TENM4: variants seen among roughly 807,000 people sequenced by gnomAD.
TENM4 encodes the protein teneurin transmembrane protein 4.
A neutral mutation model predicts 243.3 loss-of-function variants in TENM4; 82 were observed. The observed-to-expected ratio is 0.34, with a 90% CI of 0.28 to 0.40. The LOEUF (loss-of-function observed/expected upper bound fraction) is 0.40, where lower values mean the gene tolerates loss of function less well. Among genes scored for constraint, TENM4 ranks in the 10% least tolerant of loss-of-function variants. The pLI, the probability that TENM4 is intolerant of heterozygous loss-of-function variation, is 1.00. For synonymous variants in TENM4, 1,412 were observed against 1,456.3 expected, an observed-to-expected ratio of 0.97 and a Z score of 0.69; for missense variants, 3,138 against 3,673.3, an observed-to-expected ratio of 0.85 and a Z score of 3.77.
Position 78,729,494 on chromosome 11 carries a change from C to T in TENM4, c.3288G>A (p.Ala1096=), listed in dbSNP as rs375392743. The T allele has an allele frequency of 7.4e-5, 119 of 1,613,638 alleles. No homozygotes were observed. The highest frequency in any genetic ancestry group is 3.8e-4 in the East Asian group (17 of 44,840). ...FNLMKVHLMV[A]VEGRLFRKWF... ...ACTTCCTGAAGAGGCGGCCCTCCAC[C>T]GCTACCATGAGGTGCACCTTCATGA... The change falls in exon 22 of 34, where the codon GCG becomes GCA. Residue 1096 remains alanine, a synonymous_variant. Coordinates refer to ENST00000278550, the MANE Select transcript of TENM4 (RefSeq NM_001098816.3).
chr11:78,953,785 G>A (rs1857154696), intron 6 of TENM4, among the ~76,000 whole-genome samples: 1 of 152,150 alleles, frequency 6.6e-6, no homozygotes, highest in South Asian at 2.1e-4. Flanking sequence ...ATCCCTGGAG[G>A]TTGCTGTTGC....
chr11:79,159,801 T>C (rs1400032856), intron 3 of TENM4, among the ~76,000 whole-genome samples: 1 of 152,210 alleles, frequency 6.6e-6, no homozygotes, highest in African/African-American at 2.4e-5. Flanking sequence ...TTCTACTTAA[T>C]ACTGACTCAG....
intron 1 of TENM4, among the ~76,000 whole-genome samples, chr11:79,360,055 C>T (rs1396514109): frequency 5.3e-5 from 8 of 152,184 alleles, no homozygotes; most frequent in Non-Finnish European, 1.0e-4. Flanking sequence ...ACACAAAGAA[C>T]ATCCCTCCTC....
chr11:79,079,481 A>AAAGTCAC (rs1309251546), intron 4 of TENM4, among the ~76,000 whole-genome samples: 1 of 152,214 alleles, frequency 6.6e-6, no homozygotes, highest in Non-Finnish European at 1.5e-5. Context: ...TCCTGCCCCC[A>AAAGTCAC]AAGTCACGTA....
intron 3 of TENM4, among the ~76,000 whole-genome samples, chr11:79,198,430 T>A (rs1008598221): frequency 6.6e-6 from 1 of 152,240 alleles, no homozygotes; most frequent in Non-Finnish European, 1.5e-5. Flanking sequence ...CAGGTGATTC[T>A]AATGAGCAGT....
intron 19 of TENM4, among the ~76,000 whole-genome samples, chr11:78,746,310 C>T (rs1856050453): frequency 6.6e-6 from 1 of 152,192 alleles, no homozygotes. Flanking sequence ...GCAAGATGGC[C>T]CAGCACTTAC....
chr11:79,041,977 C>T (rs547467005), intron 6 of TENM4, among the ~76,000 whole-genome samples: 1 of 152,306 alleles, frequency 6.6e-6, no homozygotes, highest in African/African-American at 2.4e-5. Flanking sequence ...GCCGGAGGGT[C>T]TGGGCCTTAG....
chr11:79,265,473 A>G (rs2135334023), intron 2 of TENM4, among the ~76,000 whole-genome samples: 1 of 152,382 alleles, frequency 6.6e-6, no homozygotes, highest in Middle Eastern at 3.4e-3. Flanking sequence ...TTAAATTTTT[A>G]AACAAATTAC....
At position 78,919,986 on chromosome 11, in the gene TENM4, A is replaced by G. The variant is rs1044095430; in HGVS notation, c.494-16463T>C. ...GTAGCTGTGCTTGTCCAGCTAGCAC[A>G]CTAACTCGTATGCATGCATATGTCC... On this transcript the variant is annotated intron_variant, in intron 6 of 33. Transcript: ENST00000278550. 3.3e-5 allele frequency among the ~76,000 whole-genome samples: 5 copies of G among 152,142 alleles called. No homozygotes were observed. The East Asian group carries it at 9.6e-4, about 29-fold the overall frequency.
intron 1 of TENM4, among the ~76,000 whole-genome samples, chr11:79,389,733 C>T (rs1266464657): frequency 6.6e-6 from 1 of 152,144 alleles, no homozygotes; most frequent in African/African-American, 2.4e-5. Flanking sequence ...AATGTTATCC[C>T]CCACAAAAAG....
chr11:79,302,743 G>T (rs1396181916), intron 1 of TENM4, among the ~76,000 whole-genome samples: 1 of 152,148 alleles, frequency 6.6e-6, no homozygotes, highest in African/African-American at 2.4e-5. Flanking sequence ...AACTGAAATT[G>T]TATTTCCCCA....
intron 28 of TENM4, among the ~76,000 whole-genome samples, chr11:78,699,747 G>A (rs1234742767): frequency 6.6e-6 from 1 of 152,226 alleles, no homozygotes; most frequent in African/African-American, 2.4e-5. Context: ...TAGAAGTGTA[G>A]GAAACCGTTT....
chr11:78,847,453 T>A (rs1858424053), intron 12 of TENM4, among the ~76,000 whole-genome samples: 1 of 152,166 alleles, frequency 6.6e-6, no homozygotes, highest in Non-Finnish European at 1.5e-5. Context: ...AGTCTCTGAG[T>A]CTGCAGATGT....
chr11:79,273,395 C>T (rs1856001615), intron 2 of TENM4, among the ~76,000 whole-genome samples: 1 of 152,206 alleles, frequency 6.6e-6, no homozygotes, highest in Non-Finnish European at 1.5e-5. Context: ...GTAGAGGATG[C>T]TGACCTCTGA....
intron 7 of TENM4, among the ~76,000 whole-genome samples, chr11:78,892,711 T>G (rs1183957179): frequency 6.6e-6 from 1 of 152,218 alleles, no homozygotes; most frequent in African/African-American, 2.4e-5. Flanking sequence ...GCTCTGCAAC[T>G]ATCTAATTTA....
At chr11:78,975,046 C>G (rs1857620618) in intron 6 of TENM4, among the ~76,000 whole-genome samples, 1 of 151,872 alleles carries the variant, frequency 6.6e-6, no homozygotes, top group South Asian at 2.1e-4. Flanking sequence ...GTGTGAAGCC[C>G]TAAGTGGGCA....
chr11:79,189,608 G>A (rs569081051), intron 3 of TENM4, among the ~76,000 whole-genome samples: 3 of 152,300 alleles, frequency 2.0e-5, no homozygotes, highest in South Asian at 4.1e-4. Context: ...CTCCTAGAAC[G>A]AGAGCCCCTT....
At chr11:78,677,728 A>G (rs954111228) in intron 29 of TENM4, among the ~76,000 whole-genome samples, 17 of 152,092 alleles carry the variant, frequency 1.1e-4, no homozygotes, top group Admixed American at 3.3e-4. Context: ...AAATATACAT[A>G]TGATTTGAAA....
chr11:79,321,122 T>A (rs562348003), intron 1 of TENM4, among the ~76,000 whole-genome samples: 4 of 152,264 alleles, frequency 2.6e-5, no homozygotes, highest in African/African-American at 9.6e-5. Flanking sequence ...ATTAGACAAG[T>A]CCCTTGGCCT....
Sources: allele counts gnomAD v4.1 joint callset (sites outside exome capture counted in the v4.1 genomes callset), GRCh38; gene constraint gnomAD v4.1.1; transcripts MANE v1.5; gene names NCBI Gene and HGNC (gene_info 2026-07-23, HGNC 2026-07-21).